The following ZFAND6 variants were observed in gnomAD, a reference collection of about 807,000 sequenced individuals.
The protein encoded by ZFAND6 is zinc finger AN1-type containing 6, also known as AN1-type zinc finger protein 6.
In ZFAND6, 12 loss-of-function variants were observed where a neutral mutation model predicts 24.5. The observed-to-expected ratio is 0.49, with a 90% CI of 0.31 to 0.79. The LOEUF is 0.79. ZFAND6 is among the 30% of genes least tolerant of loss of function. The pLI, the probability that ZFAND6 is intolerant of heterozygous loss-of-function variation, is 0.04. For synonymous variants in ZFAND6, 92 were observed against 81.5 expected, an observed-to-expected ratio of 1.13 and a Z score of -0.69; for missense variants, 207 against 245.9, an observed-to-expected ratio of 0.84 and a Z score of 1.06.
chr15:80,064,378 A>G (rs994022964), intron 1 of ZFAND6, among the ~76,000 whole-genome samples: 5 of 152,022 alleles, frequency 3.3e-5, no homozygotes, highest in African/African-American at 9.7e-5. Flanking sequence ...TCTACCCTCC[A>G]TCTTTCCTTC....
In ZFAND6 at chr15:80,081,729, A is replaced by G. The variant is rs780459169; in HGVS notation, c.-180-16687A>G. Among the ~76,000 whole-genome samples the G allele has an allele frequency of 4.3e-4, 66 of 152,170 alleles. 1 individual carries two copies. The highest frequency in any genetic ancestry group is 8.2e-4 in the Non-Finnish European group (56 of 68,036). On this transcript the variant is annotated intron_variant, in intron 1 of 6. Coordinates refer to ENST00000261749, the MANE Select transcript of ZFAND6 (RefSeq NM_019006.4). ...TAGGTTACAGTCTGCTTACATATCA[A>G]GTTAACTTTATAGTGCACTATGTAG...
chr15:80,071,501 A>G (rs1452460673), intron 1 of ZFAND6, among the ~76,000 whole-genome samples: 1 of 152,214 alleles, frequency 6.6e-6, no homozygotes, highest in Non-Finnish European at 1.5e-5. Context: ...CTGCTAAAAC[A>G]TAAGCAGTTC....
chr15:80,089,259 GTTTTTTTTTTTT>G (rs71453501), intron 1 of ZFAND6, among the ~76,000 whole-genome samples: 5 of 61,096 alleles, frequency 8.2e-5, no homozygotes, highest in Admixed American at 2.8e-4. Flanking sequence ...GAGTGTGTGT[GTTTTTTTTTTTT>G]TTTTTTTTTT....
At chr15:80,123,666 G>A (rs1432860191) in intron 5 of ZFAND6, among the ~76,000 whole-genome samples, 1 of 152,164 alleles carries the variant, frequency 6.6e-6, no homozygotes, top group African/African-American at 2.4e-5. Context: ...TACTTGAGAG[G>A]CTAAGGCAGG....
rs1410196115 is a variant in ZFAND6, at chr15:80,137,668, T to G, written c.*40T>G. 3 of 1,529,666 alleles carry G rather than the reference T, an allele frequency of 2.0e-6. No homozygotes were observed. The highest frequency in any genetic ancestry group is 1.7e-6 in the Non-Finnish European group (2 of 1,145,490). The allele number at this position is 1,529,666 out of a possible 1,614,324, so 94.8% of individuals were successfully genotyped here. A position where few individuals can be genotyped will look rare whatever the true frequency, so the allele number is the denominator to read the frequency against. On this transcript the variant is annotated 3_prime_UTR_variant, in exon 7 of 7. Transcript: ENST00000261749. ...ACAAAATTCTTGAGCATCTGCAAAC[T>G]AAAAATTGACTTGAGGTTTTTTTTT...
intron 1 of ZFAND6, among the ~76,000 whole-genome samples, chr15:80,080,234 T>C (rs1006641555): frequency 6.6e-6 from 1 of 151,982 alleles, no homozygotes; most frequent in Non-Finnish European, 1.5e-5. Flanking sequence ...TGACCTCGGG[T>C]GATCCACCCA....
intron 1 of ZFAND6, among the ~76,000 whole-genome samples, chr15:80,074,072 T>C (rs1296898533): frequency 6.6e-6 from 1 of 151,964 alleles, no homozygotes; most frequent in Non-Finnish European, 1.5e-5. Flanking sequence ...CAGAATATGC[T>C]TCAAAGTTTT....
In ZFAND6 at chr15:80,122,737, G is replaced by A. The variant is rs767326491; in HGVS notation, c.301G>A (p.Ala101Thr). The change falls in exon 5 of 7, where the codon GCA becomes ACA. Residue 101 changes from alanine (A) to threonine (T), a missense_variant. Physicochemically the swap from Ala to Thr is moderately conservative, Grantham distance 58 (BLOSUM62 0). This residue lies in a region of ZFAND6 where 133 missense variants were observed against 122.8 expected (regional missense o/e 1.08). Coordinates refer to ENST00000261749, the MANE Select transcript of ZFAND6 (RefSeq NM_019006.4). The stretch of plus-strand genomic sequence containing the variant: ...TCAGTCACTTTTATCAGAATCTGTA[G>A]CATCTTCTCAATTGGACAGTACATC... The part of the protein sequence containing the change: ...SNQSLLSESV[A>T]SSQLDSTSVD... The A allele has an allele frequency of 5.1e-5, 83 of 1,613,518 alleles. 2 individuals carry two copies. The South Asian group carries it at 9.1e-4, about 18-fold the overall frequency.
rs1329841137 is a variant in ZFAND6 at position 80,122,760 on chromosome 15, A to G, written c.324A>G (p.Thr108=). 2 of 1,613,710 alleles carry G rather than the reference A, an allele frequency of 1.2e-6. No individual in the cohort carries two copies. Among genetic ancestry groups the G allele is most frequent in the South Asian group, 1.1e-5 (1 of 91,070 alleles). Reference sequence around the variant, plus strand: ...TAGCATCTTCTCAATTGGACAGTACATCTGTGGACAAAGCAGTACCTGAAA... The same window carrying G: ...TAGCATCTTCTCAATTGGACAGTACGTCTGTGGACAAAGCAGTACCTGAAA... ...ESVASSQLDS[T]SVDKAVPETE... The change falls in exon 5 of 7, where the codon ACA becomes ACG. Residue 108 remains threonine (T), a synonymous_variant. Coordinates refer to ENST00000261749, the MANE Select transcript of ZFAND6 (RefSeq NM_019006.4).
intron 6 of ZFAND6, among the ~76,000 whole-genome samples, chr15:80,132,389 A>C: frequency 6.6e-6 from 1 of 152,250 alleles, no homozygotes; most frequent in Non-Finnish European, 1.5e-5. Flanking sequence ...AAATTTTATC[A>C]AAACTTGCCT....
intron 4 of ZFAND6, among the ~76,000 whole-genome samples, chr15:80,122,021 A>T (rs1281941380): frequency 1.3e-5 from 2 of 152,118 alleles, no homozygotes; most frequent in East Asian, 3.9e-4. Flanking sequence ...TAAGTCTTAG[A>T]TTTCTTTTTC....
intron 1 of ZFAND6, among the ~76,000 whole-genome samples, chr15:80,092,024 TGAA>T (rs541772837): frequency 1.9e-3 from 291 of 152,338 alleles, no homozygotes; most frequent in Non-Finnish European, 3.4e-3. Context: ...TCCCTGATAA[TGAA>T]GAAATGCTTT....
intron 1 of ZFAND6, among the ~76,000 whole-genome samples, chr15:80,063,852 A>G (rs1212052878): frequency 6.6e-6 from 1 of 152,018 alleles, no homozygotes; most frequent in East Asian, 1.9e-4. Context: ...CACCCGGCCT[A>G]AATTTTTATG....
At chr15:80,090,964 G>T (rs534503852) in intron 1 of ZFAND6, among the ~76,000 whole-genome samples, 2 of 152,268 alleles carry the variant, frequency 1.3e-5, no homozygotes, top group South Asian at 4.1e-4. Flanking sequence ...CCTCTTTGCC[G>T]CAACCCACTA....
chr15:80,105,801 T>C (rs1249250660), intron 2 of ZFAND6, among the ~76,000 whole-genome samples: 1 of 152,234 alleles, frequency 6.6e-6, no homozygotes, highest in African/African-American at 2.4e-5. Flanking sequence ...ATGCATTTGT[T>C]AGTCATCCCT....
chr15:80,061,390 CAAA>C (rs997510010), intron 1 of ZFAND6, among the ~76,000 whole-genome samples: 2 of 148,916 alleles, frequency 1.3e-5, no homozygotes, highest in South Asian at 4.3e-4. Flanking sequence ...TTAATACTAC[CAAA>C]AAAAAACACG....
intron 1 of ZFAND6, among the ~76,000 whole-genome samples, chr15:80,095,556 A>G (rs1166704358): frequency 6.6e-6 from 1 of 152,204 alleles, no homozygotes; most frequent in Non-Finnish European, 1.5e-5. Flanking sequence ...GTCTAAATCA[A>G]ATTATTACTA....
In ZFAND6 at chr15:80,065,535, T is replaced by G. The variant is rs1251163451; in HGVS notation, c.-181+5726T>G. On this transcript the variant is annotated intron_variant, in intron 1 of 6. Transcript: ENST00000261749. ...TGGGGCTTCAAATTAGTTTTGGTTT[T>G]GATTTTTTTTTTTTTTTTTTTTTTT... is the stretch of plus-strand genomic sequence containing the variant. 3.8e-5 allele frequency among the ~76,000 whole-genome samples: 5 copies of G among 130,700 alleles called. No homozygotes were observed. The East Asian group carries it at 1.0e-3, about 27-fold the overall frequency. The allele number at this position is 130,700 out of a possible 152,430, so 85.7% of individuals were successfully genotyped here. A position where few individuals can be genotyped will look rare whatever the true frequency, so the allele number is the denominator to read the frequency against.
At chr15:80,063,671 C>T (rs890125472) in intron 1 of ZFAND6, among the ~76,000 whole-genome samples, 1 of 151,882 alleles carries the variant, frequency 6.6e-6, no homozygotes, top group Non-Finnish European at 1.5e-5. Flanking sequence ...GCCTCAGCCT[C>T]TCCCCAGTAG....
Sources: gnomAD v4.1 joint callset for allele counts (sites outside exome capture counted in the v4.1 genomes callset) on GRCh38, gnomAD v4.1.1 for gene constraint, gnomAD v4.1.1 regional missense constraint, MANE v1.5 for transcripts, NCBI Gene and HGNC (gene_info 2026-07-23, HGNC 2026-07-21) for gene names.